The following ESR2 variants were observed in gnomAD, a reference collection of about 807,000 sequenced individuals.
ESR2 encodes estrogen receptor 2, also known as estrogen receptor beta.
Under a neutral mutation model 49.6 loss-of-function variants are expected in ESR2, and 36 were observed. That is an observed-to-expected ratio of 0.73 (90% CI 0.56 to 0.96). ESR2 has a LOEUF of 0.96. ESR2 is among the 40% of genes least tolerant of loss of function. The pLI, the probability that ESR2 is intolerant of heterozygous loss-of-function variation, is 0.00. For missense variants in ESR2, 714 were observed against 693.0 expected, an observed-to-expected ratio of 1.03 and a Z score of -0.34; for synonymous variants, 320 against 266.1, an observed-to-expected ratio of 1.20 and a Z score of -1.97.
chr14:64,281,045 C>A (rs1424664314), intron 2 of ESR2, among the ~76,000 whole-genome samples: 3 of 151,458 alleles, frequency 2.0e-5, no homozygotes, highest in Non-Finnish European at 4.4e-5. Context: ...AGAGGAATAA[C>A]AAATGGACTT....
chr14:64,273,462 T>C (rs979601733), intron 3 of ESR2, among the ~76,000 whole-genome samples: 2 of 152,286 alleles, frequency 1.3e-5, no homozygotes, highest in East Asian at 1.9e-4. Context: ...TGTCTGTTAT[T>C]GGGCTGAGGT....
chr14:64,280,872 T>A (rs886830334), intron 2 of ESR2, among the ~76,000 whole-genome samples: 1 of 152,054 alleles, frequency 6.6e-6, no homozygotes, highest in African/African-American at 2.4e-5. Context: ...TAGCCAGACA[T>A]GGTGGTGCAC....
chr14:64,227,803 C>A (rs1152581), downstream of ESR2: 1,898 of 1,555,442 alleles, frequency 1.2e-3, 39 homozygotes, highest in East Asian at 0.04. Context: ...ATTCCCAAAA[C>A]TCTTTTATGA....
At position 64,233,301 on chromosome 14, in the gene ESR2, G is replaced by T. The variant is rs2098729081; in HGVS notation, c.1429C>A (p.Leu477Ile). 6.2e-7 allele frequency: 1 copy of T among 1,613,726 alleles called. No homozygotes were observed. Among genetic ancestry groups the T allele is most frequent in the Admixed American group, 1.7e-5 (1 of 59,992 alleles). Residue 477 changes from leucine to isoleucine, a missense_variant, in exon 9 of 9, where the codon CTC (leucine) becomes ATC (isoleucine). Physicochemically the swap from Leu to Ile is conservative, Grantham distance 5. Transcript: ENST00000341099. ...HASNKGMEHL[L>I]NMKCKNVVPV... is the part of the protein sequence containing the mutation. ...ACCACATTTTTGCACTTCATGTTGA[G>T]CAGATGTTCCATGCCCTTGTTACTA...
At chr14:64,234,664 A>G in intron 8 of ESR2, 1 of 499,222 alleles carries the variant, frequency 2.0e-6, no homozygotes, top group Non-Finnish European at 3.4e-6. Flanking sequence ...CAGGGGTGGC[A>G]GTTCGTGTTA....
chr14:64,307,142 T>C (rs772099717), intron 1 of ESR2, among the ~76,000 whole-genome samples: 22 of 151,996 alleles, frequency 1.4e-4, no homozygotes, highest in Admixed American at 3.3e-4. Context: ...ATTTGCAATT[T>C]GTGTTTCCTT....
At chr14:64,310,245 C>T (rs930365768) in intron 1 of ESR2, among the ~76,000 whole-genome samples, 2 of 149,948 alleles carry the variant, frequency 1.3e-5, no homozygotes, top group African/African-American at 5.0e-5. Flanking sequence ...TGCATTCCAG[C>T]CTGGGCGACA....
chr14:64,227,315 A>G (rs994566656), downstream of ESR2: 1 of 590,778 alleles, frequency 1.7e-6, no homozygotes, highest in Non-Finnish European at 2.9e-6. Flanking sequence ...TAAGGAGACC[A>G]TCTGAAGAGA....
intron 3 of ESR2, among the ~76,000 whole-genome samples, chr14:64,277,131 T>G (rs539700014): frequency 1.3e-5 from 2 of 152,250 alleles, no homozygotes; most frequent in Admixed American, 6.5e-5. Context: ...TCCTCTGTGC[T>G]CCATAACCCA....
At chr14:64,315,953 T>G (rs2077249999) in intron 1 of ESR2, among the ~76,000 whole-genome samples, 1 of 151,768 alleles carries the variant, frequency 6.6e-6, no homozygotes, top group Non-Finnish European at 1.5e-5. Flanking sequence ...ACGCCTGGCC[T>G]TAAGCAGATA....
intron 3 of ESR2, among the ~76,000 whole-genome samples, chr14:64,278,454 T>C (rs1318084257): frequency 6.6e-6 from 1 of 152,222 alleles, no homozygotes; most frequent in African/African-American, 2.4e-5. Context: ...TAAAACATCC[T>C]CTTAGAGTTA....
intron 4 of ESR2, among the ~76,000 whole-genome samples, chr14:64,263,197 A>G (rs1596411658): frequency 1.3e-5 from 2 of 152,342 alleles, no homozygotes; most frequent in East Asian, 3.8e-4. Context: ...AGAAAAACAA[A>G]GTAGACAGAT....
chr14:64,280,177 T>C (rs758574285), intron 2 of ESR2, 24 bp from the exon 3 acceptor site: 24 of 1,596,820 alleles, frequency 1.5e-5, no homozygotes, highest in Non-Finnish European at 2.0e-5. Flanking sequence ...AAAATATCCA[T>C]TGAACAGAGC....
Position 64,260,436 on chromosome 14 carries a change from C to T in ESR2, c.952+13G>A, listed in dbSNP as rs1380016957. 1.1e-5 allele frequency: 17 copies of T among 1,522,942 alleles called. 1 individual carries two copies. In the South Asian group the frequency reaches 1.9e-4, roughly 17 times the overall value. 94.3% of individuals were successfully genotyped at this position (1,522,942 alleles called of 1,614,324 possible). A position where few individuals can be genotyped will look rare whatever the true frequency, so the allele number is the denominator to read the frequency against. ...TACAAGTACATGGAAAACTGATAGC[C>T]AGAAAGCCCTACCGGGAATCTTCTT... On this transcript the variant is annotated intron_variant, in intron 5 of 8. Coordinates refer to ENST00000341099, the MANE Select transcript of ESR2 (RefSeq NM_001437.3).
upstream of ESR2, among the ~76,000 whole-genome samples, chr14:64,297,339 TAGTACAGGTA>T (rs2076970015): frequency 1.3e-5 from 2 of 152,322 alleles, no homozygotes; most frequent in Admixed American, 1.3e-4. Context: ...GAAGTCAATG[TAGTACAGGTA>T]TGGTTTGCTG....
chr14:64,280,373 G>A (rs1306188041), intron 2 of ESR2, among the ~76,000 whole-genome samples: 1 of 152,172 alleles, frequency 6.6e-6, no homozygotes, highest in Non-Finnish European at 1.5e-5. Flanking sequence ...TTGAAAGTGG[G>A]TAGGTGAGTT....
chr14:64,237,115 C>A (rs958809598), intron 7 of ESR2, among the ~76,000 whole-genome samples: 3 of 152,082 alleles, frequency 2.0e-5, no homozygotes, highest in Non-Finnish European at 4.4e-5. Flanking sequence ...CATGCGCCAC[C>A]ATGCCCAGCA....
At chr14:64,245,929 G>A (rs1281026224) in intron 7 of ESR2, among the ~76,000 whole-genome samples, 4 of 152,228 alleles carry the variant, frequency 2.6e-5, no homozygotes, top group African/African-American at 9.6e-5. Context: ...AGATGGGAAG[G>A]TACTCTTCAA....
At position 64,323,540 on chromosome 14, in the gene ESR2, T is replaced by G. The variant is rs188583528; in HGVS notation, c.-91+14358A>C. 2.9e-3 allele frequency among the ~76,000 whole-genome samples: 444 copies of G among 152,210 alleles called. 1 individual carries two copies. Among genetic ancestry groups the G allele is most frequent in the Admixed American group, 4.4e-3 (67 of 15,290 alleles). On this transcript the variant is annotated intron_variant, in intron 1 of 8. Transcript: ENST00000358599. ...TTATTTTGTACAATCTTAAGAAAAC[T>G]TAATAAAGGATTATTTTTATTTGCA...
Sources: gnomAD v4.1 joint callset for allele counts (sites outside exome capture counted in the v4.1 genomes callset) on GRCh38, gnomAD v4.1.1 for gene constraint, MANE v1.5 for transcripts, NCBI Gene and HGNC (gene_info 2026-07-23, HGNC 2026-07-21) for gene names.